The following HIVEP3 variants were observed in gnomAD, a reference collection of about 807,000 sequenced individuals.
The protein encoded by HIVEP3 is HIVEP zinc finger 3.
A neutral mutation model predicts 152.8 loss-of-function variants in HIVEP3; 49 were observed. That is an observed-to-expected ratio of 0.32 (90% CI 0.26 to 0.41). HIVEP3 has a LOEUF of 0.41. HIVEP3 is among the 10% of genes least tolerant of loss of function. The probability of loss-of-function intolerance (pLI) is 1.00; values close to 1 mark genes in which losing one functional copy is unlikely to be tolerated. For missense variants in HIVEP3, 2,790 were observed against 3,103.3 expected (o/e 0.90, Z 2.40); for synonymous variants, 1,269 against 1,289.0 (o/e 0.98, Z 0.33).
intron 1 of HIVEP3, among the ~76,000 whole-genome samples, chr1:42,011,442 GT>G (rs1330246016): frequency 2.6e-5 from 4 of 152,180 alleles, no homozygotes; most frequent in Non-Finnish European, 5.9e-5. Flanking sequence ...AAAGTTAGAA[GT>G]TAAATCTAGG....
chr1:41,824,638 G>A (rs982970909), intron 1 of HIVEP3, among the ~76,000 whole-genome samples: 21 of 151,254 alleles, frequency 1.4e-4, no homozygotes, highest in African/African-American at 3.7e-4. Flanking sequence ...ACTGTTTTTC[G>A]TGACAAGGTA....
rs759120730 is a variant in HIVEP3, at chr1:41,579,773, A to G, written c.5025T>C (p.Leu1675=). Residue 1675 remains leucine, a synonymous_variant, in exon 4 of 9, where the codon CTT becomes CTC. Transcript: ENST00000372583. ...ATAPHPEAGR[L]VPSSSRKPRM... ...GGGGCTTGCGGGAGCTGGATGGCAC[A>G]AGCCTTCCTGCCTCAGGATGCGGAG... The G allele has an allele frequency of 2.5e-6, 4 of 1,599,956 alleles. No homozygotes were observed. Among genetic ancestry groups the G allele is most frequent in the Non-Finnish European group, 3.4e-6 (4 of 1,169,498 alleles).
At chr1:41,723,120 C>A (rs966170550) in intron 1 of HIVEP3, among the ~76,000 whole-genome samples, 3 of 150,524 alleles carry the variant, frequency 2.0e-5, no homozygotes, top group Admixed American at 6.5e-5. Flanking sequence ...CCCCCTGGTG[C>A]ACTATGGGGA....
intron 1 of HIVEP3, among the ~76,000 whole-genome samples, chr1:41,761,455 T>C (rs1179708163): frequency 2.0e-5 from 3 of 152,110 alleles, no homozygotes; most frequent in African/African-American, 2.4e-5. Flanking sequence ...CACCTGAGTG[T>C]GAGTGCATGG....
intron 1 of HIVEP3, among the ~76,000 whole-genome samples, chr1:42,016,946 T>C (rs1391110573): frequency 1.3e-5 from 2 of 152,170 alleles, no homozygotes; most frequent in African/African-American, 2.4e-5. Flanking sequence ...TCAAATAGTA[T>C]GCACATTTTA....
chr1:41,972,798 T>C (rs1244149326), intron 1 of HIVEP3, among the ~76,000 whole-genome samples: 2 of 152,180 alleles, frequency 1.3e-5, no homozygotes, highest in Non-Finnish European at 2.9e-5. Context: ...GCTAAATAAA[T>C]ATTTACTGAT....
intron 1 of HIVEP3, among the ~76,000 whole-genome samples, chr1:41,732,387 T>C (rs1387380516): frequency 6.6e-6 from 1 of 152,004 alleles, no homozygotes; most frequent in African/African-American, 2.4e-5. Flanking sequence ...GAGGAGACCA[T>C]GGAACAGAAA....
intron 5 of HIVEP3, among the ~76,000 whole-genome samples, chr1:41,527,640 CCCA>C (rs1316592978): frequency 8.2e-6 from 1 of 121,466 alleles, no homozygotes; most frequent in Non-Finnish European, 1.8e-5. Context: ...ACTCCACATC[CCCA>C]CCCTCACACA....
At chr1:41,649,740 C>T (rs1235083950) in intron 2 of HIVEP3, among the ~76,000 whole-genome samples, 1 of 152,114 alleles carries the variant, frequency 6.6e-6, no homozygotes, top group Non-Finnish European at 1.5e-5. Context: ...GAGACGGAGT[C>T]CCCTGGGGAT....
At chr1:41,919,508 C>T (rs1015422913), upstream of HIVEP3, among the ~76,000 whole-genome samples, 3 of 152,240 alleles carry the variant, frequency 2.0e-5, no homozygotes, top group Non-Finnish European at 4.4e-5. Flanking sequence ...TCCAGAGCCA[C>T]ATCGCATTCC....
At chr1:41,697,813 C>T (rs1411472185) in intron 2 of HIVEP3, among the ~76,000 whole-genome samples, 1 of 152,180 alleles carries the variant, frequency 6.6e-6, no homozygotes, top group Admixed American at 6.5e-5. Flanking sequence ...TTGGTGAACA[C>T]ATTTTAATTG....
intron 1 of HIVEP3, among the ~76,000 whole-genome samples, chr1:41,891,925 G>C (rs1644453623): frequency 6.6e-6 from 1 of 152,180 alleles, no homozygotes; most frequent in Non-Finnish European, 1.5e-5. Flanking sequence ...AGATTTTAAG[G>C]AGAAAGGCAC....
At chr1:42,013,387 C>T (rs183953458) in intron 1 of HIVEP3, among the ~76,000 whole-genome samples, 2 of 152,268 alleles carry the variant, frequency 1.3e-5, no homozygotes, top group East Asian at 1.9e-4. Context: ...CCCATAACAC[C>T]TCAGTTTCTT....
At chr1:41,751,837 G>C (rs143552444) in intron 1 of HIVEP3, among the ~76,000 whole-genome samples, 55 of 152,274 alleles carry the variant, frequency 3.6e-4, no homozygotes, top group African/African-American at 1.3e-3. Flanking sequence ...CACACAGATG[G>C]TATCATACTC....
intron 1 of HIVEP3, among the ~76,000 whole-genome samples, chr1:41,874,379 G>A (rs1557472499): frequency 6.6e-6 from 1 of 152,144 alleles, no homozygotes. Context: ...CTTGAGTTAG[G>A]CTTAGCTGGC....
chr1:41,520,407 T>A (rs924539997), intron 6 of HIVEP3, among the ~76,000 whole-genome samples: 15 of 152,196 alleles, frequency 9.9e-5, no homozygotes, highest in Admixed American at 5.9e-4. Context: ...AAGCCATAAA[T>A]TTCAGAGTCA....
intron 1 of HIVEP3, among the ~76,000 whole-genome samples, chr1:41,945,541 G>A (rs1225245794): frequency 6.6e-6 from 1 of 152,194 alleles, no homozygotes; most frequent in Non-Finnish European, 1.5e-5. Context: ...CAGGCCGAGA[G>A]TTTGGTGATC....
intron 1 of HIVEP3, among the ~76,000 whole-genome samples, chr1:41,979,446 C>A (rs1237645412): frequency 6.6e-6 from 1 of 152,224 alleles, no homozygotes. Flanking sequence ...CACTTGTCCA[C>A]AAGCTCTCAG....
At position 41,662,480 on chromosome 1, in the gene HIVEP3, G is replaced by C. The variant is rs141799862; in HGVS notation, c.-720-33533C>G. On this transcript the variant is annotated intron_variant, in intron 2 of 8. Transcript: ENST00000372583. The surrounding 1 kb of genome is among the most constrained non-coding windows in gnomAD (Gnocchi z 7.2). ...CCCAGAGTTTCCTGTCGCCGAGCACGGGGACCCCGCCGCCGGCCCGGGGCG... is the reference window on the plus strand; with the variant it reads ...CCCAGAGTTTCCTGTCGCCGAGCACCGGGACCCCGCCGCCGGCCCGGGGCG... 0.09 allele frequency among the ~76,000 whole-genome samples: 13,668 copies of C among 151,372 alleles called. 1,077 individuals carry two copies. Among genetic ancestry groups the C allele is most frequent in the East Asian group, 0.38 (1,931 of 5,046 alleles).
Sources: gnomAD v4.1 joint callset for allele counts (sites outside exome capture counted in the v4.1 genomes callset) on GRCh38, gnomAD v4.1.1 for gene constraint, Gnocchi (gnomAD v3.1) non-coding constraint, MANE v1.5 for transcripts, NCBI Gene and HGNC (gene_info 2026-07-23, HGNC 2026-07-21) for gene names.